The following SUGCT variants were observed in gnomAD, a reference collection of about 807,000 sequenced individuals.
SUGCT encodes succinyl-CoA:glutarate CoA-transferase.
Under a neutral mutation model 55.0 loss-of-function variants are expected in SUGCT, and 41 were observed. That is an observed-to-expected ratio of 0.74 (90% confidence interval 0.58 to 0.97). The LOEUF is 0.97. Ranked by LOEUF, SUGCT falls within the 50% of genes least tolerant of loss-of-function variation. The probability of loss-of-function intolerance (pLI) is 0.00; values close to 1 mark genes in which losing one functional copy is unlikely to be tolerated. For missense variants in SUGCT, 568 were observed against 547.8 expected, an observed-to-expected ratio of 1.04 and a Z score of -0.37; for synonymous variants, 187 against 200.4, an observed-to-expected ratio of 0.93 and a Z score of 0.56.
chr7:40,941,396 T>A, the SUGCT span, among the ~76,000 whole-genome samples: 1 of 152,110 alleles, frequency 6.6e-6, no homozygotes, highest in African/African-American at 2.4e-5. Context: ...AGGGTCCTTT[T>A]TGGAGTTGAT....
chr7:41,035,788 C>CCT, the SUGCT span, among the ~76,000 whole-genome samples: 100 of 152,310 alleles, frequency 6.6e-4, no homozygotes, highest in Non-Finnish European at 1.2e-3. Flanking sequence ...GGAGCTCACT[C>CCT]TGGCCACGCA....
At chr7:40,956,727 T>C in the SUGCT span, among the ~76,000 whole-genome samples, 17 of 152,208 alleles carry the variant, frequency 1.1e-4, no homozygotes, top group African/African-American at 3.9e-4. Context: ...CAATTTTAGA[T>C]CTTTCCTGGT....
At chr7:40,299,106 AT>A (rs914235296) in intron 8 of SUGCT, among the ~76,000 whole-genome samples, 1 of 152,042 alleles carries the variant, frequency 6.6e-6, no homozygotes, top group Admixed American at 6.6e-5. Context: ...CAGTGACTTG[AT>A]TTTTTTCCCC....
the SUGCT span, among the ~76,000 whole-genome samples, chr7:40,953,226 T>C: frequency 1.3e-5 from 2 of 152,236 alleles, no homozygotes; most frequent in East Asian, 3.8e-4. Context: ...TGATACCCTT[T>C]CTTCCAGTTG....
intron 6 of SUGCT, among the ~76,000 whole-genome samples, chr7:40,236,417 G>A (rs1457247859): frequency 1.1e-5 from 1 of 95,118 alleles, no homozygotes; most frequent in Non-Finnish European, 1.9e-5. Flanking sequence ...AATCTTTCCT[G>A]TGTTCTGTTG....
chr7:40,920,871 A>G, the SUGCT span, among the ~76,000 whole-genome samples: 4 of 152,386 alleles, frequency 2.6e-5, no homozygotes, highest in Non-Finnish European at 5.9e-5. Flanking sequence ...TTGTTTTCTG[A>G]AAGCCTCAGA....
At chr7:40,413,972 A>G (rs547528505) in intron 9 of SUGCT, among the ~76,000 whole-genome samples, 12 of 152,198 alleles carry the variant, frequency 7.9e-5, no homozygotes, top group African/African-American at 2.9e-4. Context: ...GCTGCATACT[A>G]TTTCATGGGT....
chr7:40,822,370 A>C (rs994491542), intron 13 of SUGCT, among the ~76,000 whole-genome samples: 3 of 152,114 alleles, frequency 2.0e-5, no homozygotes, highest in Admixed American at 6.6e-5. Context: ...GGGGTGTTAA[A>C]GTCTCCCATT....
intron 9 of SUGCT, among the ~76,000 whole-genome samples, chr7:40,361,588 G>A (rs6462978): frequency 0.96 from 143,109 of 149,684 alleles, 68,719 homozygotes; most frequent in East Asian, 1. Flanking sequence ...AGAAAAAAAA[G>A]AAAGAAAATT....
intron 13 of SUGCT, among the ~76,000 whole-genome samples, chr7:40,836,366 T>A (rs1792975284): frequency 6.6e-6 from 1 of 152,232 alleles, no homozygotes; most frequent in African/African-American, 2.4e-5. Flanking sequence ...GTTCACTTGA[T>A]TTGCTTCAGT....
At chr7:41,007,895 ATG>A in the SUGCT span, among the ~76,000 whole-genome samples, 1 of 149,682 alleles carries the variant, frequency 6.7e-6, no homozygotes, top group East Asian at 2.0e-4. Context: ...CAATTGTGCT[ATG>A]TAGAATCCAC....
At chr7:40,292,294 C>T (rs1399024480) in intron 8 of SUGCT, among the ~76,000 whole-genome samples, 1 of 151,914 alleles carries the variant, frequency 6.6e-6, no homozygotes, top group Non-Finnish European at 1.5e-5. Context: ...TGTTGAGAGA[C>T]AATTGTAAGA....
At chr7:40,443,906 G>A (rs1275072885) in intron 9 of SUGCT, among the ~76,000 whole-genome samples, 1 of 152,152 alleles carries the variant, frequency 6.6e-6, no homozygotes, top group African/African-American at 2.4e-5. Flanking sequence ...TGTATAAGGT[G>A]TAAGGAAGGG....
At chr7:40,336,873 CT>C (rs1796740213) in intron 9 of SUGCT, among the ~76,000 whole-genome samples, 1 of 149,102 alleles carries the variant, frequency 6.7e-6, no homozygotes, top group African/African-American at 2.6e-5. Flanking sequence ...CCTGCTTTGT[CT>C]TGTGGGCATT....
At chr7:40,206,126 A>C (rs147633131) in intron 6 of SUGCT, among the ~76,000 whole-genome samples, 2 of 152,214 alleles carry the variant, frequency 1.3e-5, no homozygotes, top group Non-Finnish European at 2.9e-5. Flanking sequence ...GTGCCAGATA[A>C]ACATGCCAGG....
intron 7 of SUGCT, among the ~76,000 whole-genome samples, chr7:40,264,905 A>G (rs904227837): frequency 3.3e-5 from 5 of 152,178 alleles, no homozygotes; most frequent in African/African-American, 9.7e-5. Context: ...TTGTTTATAA[A>G]AAGTCTCATT....
At chr7:40,576,487 G>A (rs1319113125) in intron 12 of SUGCT, among the ~76,000 whole-genome samples, 1 of 152,222 alleles carries the variant, frequency 6.6e-6, no homozygotes, top group East Asian at 1.9e-4. Flanking sequence ...CAGGGAACAT[G>A]TGAGTCAGGG....
intron 12 of SUGCT, among the ~76,000 whole-genome samples, chr7:40,608,931 C>G (rs1798642260): frequency 6.6e-6 from 1 of 152,166 alleles, no homozygotes; most frequent in African/African-American, 2.4e-5. Context: ...GTAGTTCTGT[C>G]TCTAGCATAC....
At chr7:40,740,994 T>G (rs1787432699) in intron 12 of SUGCT, among the ~76,000 whole-genome samples, 1 of 152,130 alleles carries the variant, frequency 6.6e-6, no homozygotes. Flanking sequence ...TCATACATGA[T>G]AGCATCCTGG....
Sources: gnomAD v4.1 joint callset for allele counts (sites outside exome capture counted in the v4.1 genomes callset) on GRCh38, gnomAD v4.1.1 for gene constraint, MANE v1.5 for transcripts, NCBI Gene and HGNC (gene_info 2026-07-23, HGNC 2026-07-21) for gene names.